Variants in ERLIN1 observed in about 807,000 individuals in gnomAD.
ERLIN1 encodes erlin-1.
A neutral mutation model predicts 46.9 loss-of-function variants in ERLIN1; 24 were observed. The observed-to-expected ratio is 0.51, with a 90% CI of 0.37 to 0.72. The LOEUF is 0.72. Ranked by LOEUF, ERLIN1 falls within the 30% of genes least tolerant of loss-of-function variation. The pLI is 0.00. For missense variants in ERLIN1, 293 were observed against 417.9 expected (o/e 0.70, Z 2.61); for synonymous variants, 158 against 143.2 (o/e 1.10, Z -0.74).
chr10:100,154,495 G>C (rs1444831922), intron 10 of ERLIN1, among the ~76,000 whole-genome samples: 1 of 152,170 alleles, frequency 6.6e-6, no homozygotes, highest in East Asian at 1.9e-4. Context: ...CCAAATGCCA[G>C]GAATGCCTTT....
At chr10:100,162,848 T>C (rs1212104436) in intron 8 of ERLIN1, among the ~76,000 whole-genome samples, 1 of 152,216 alleles carries the variant, frequency 6.6e-6, no homozygotes, top group Non-Finnish European at 1.5e-5. Flanking sequence ...AAGCTGGTGA[T>C]AGGGCACTGG....
At chr10:100,154,776 C>A in intron 10 of ERLIN1, 84 bp downstream of exon 10, 5 of 1,042,144 alleles carry the variant, frequency 4.8e-6, no homozygotes, top group South Asian at 2.8e-5. Context: ...TGGATAAAAT[C>A]ACTTCTATCA....
chr10:100,174,409 A>C (rs1589545224), intron 5 of ERLIN1, 128 bp from the exon 6 acceptor site: 1 of 650,386 alleles, frequency 1.5e-6, no homozygotes, highest in South Asian at 2.0e-5. Context: ...ACAGAGCTTA[A>C]ACTGCCTTTT....
chr10:100,170,924 T>A (rs1383579263), intron 6 of ERLIN1, among the ~76,000 whole-genome samples: 3 of 152,118 alleles, frequency 2.0e-5, no homozygotes, highest in Non-Finnish European at 2.9e-5. Flanking sequence ...GTATGTAACA[T>A]AAAAACTATT....
chr10:100,158,534 GAA>G (rs145102308), intron 8 of ERLIN1, among the ~76,000 whole-genome samples: 5 of 148,174 alleles, frequency 3.4e-5, no homozygotes, highest in African/African-American at 1.2e-4. Context: ...AGTCTTCACT[GAA>G]AAAAAAATTA....
chr10:100,164,459 C>T (rs888329027), intron 7 of ERLIN1, among the ~76,000 whole-genome samples: 1 of 152,210 alleles, frequency 6.6e-6, no homozygotes, highest in African/African-American at 2.4e-5. Flanking sequence ...AATTAGAAAA[C>T]GGCACCAGCC....
intron 4 of ERLIN1, 42 bp from the exon 5 acceptor site, chr10:100,176,112 G>T: frequency 1.3e-6 from 2 of 1,580,506 alleles, no homozygotes; most frequent in South Asian, 2.3e-5. Flanking sequence ...ACCCAACAAT[G>T]ACACAGGTAC....
chr10:100,153,811 T>A (rs2134097337), intron 10 of ERLIN1, among the ~76,000 whole-genome samples: 1 of 152,360 alleles, frequency 6.6e-6, no homozygotes, highest in South Asian at 2.1e-4. Context: ...AGATTTGGAC[T>A]CCTAGTTTCC....
At chr10:100,160,429 T>A (rs1223332920) in intron 8 of ERLIN1, among the ~76,000 whole-genome samples, 1 of 151,972 alleles carries the variant, frequency 6.6e-6, no homozygotes, top group Non-Finnish European at 1.5e-5. Flanking sequence ...AGTATAACCA[T>A]GATACAAAAA....
intron 7 of ERLIN1, among the ~76,000 whole-genome samples, chr10:100,165,448 A>G (rs530505209): frequency 1.2e-3 from 165 of 142,902 alleles, no homozygotes; most frequent in African/African-American, 4.1e-3. Context: ...GTGCAGTGGC[A>G]CTATCTCGAC....
chr10:100,173,803 T>C (rs989578452), intron 6 of ERLIN1, among the ~76,000 whole-genome samples: 7 of 152,242 alleles, frequency 4.6e-5, no homozygotes, highest in East Asian at 3.8e-4. Flanking sequence ...AATCATTCAA[T>C]AGATTCATCT....
chr10:100,167,619 C>T (rs1843718443), intron 6 of ERLIN1, among the ~76,000 whole-genome samples: 1 of 152,180 alleles, frequency 6.6e-6, no homozygotes, highest in Non-Finnish European at 1.5e-5. Context: ...TTTCCTTACA[C>T]AATGCCAGAT....
intron 6 of ERLIN1, among the ~76,000 whole-genome samples, chr10:100,172,473 C>A (rs1390117349): frequency 6.6e-6 from 1 of 151,922 alleles, no homozygotes; most frequent in Non-Finnish European, 1.5e-5. Context: ...TTATACAGAA[C>A]AAATCAGTAA....
rs1844286522 is a variant in ERLIN1, at chr10:100,176,134, GC to G, written c.305-65del. 8.1e-6 allele frequency: 12 copies of G among 1,481,178 alleles called. No individual in the cohort carries two copies. In the South Asian group the frequency reaches 1.6e-4, roughly 20 times the overall value. 91.8% of individuals were successfully genotyped at this position (1,481,178 alleles called of 1,614,324 possible). On this transcript the variant is annotated intron_variant, in intron 4 of 10. Transcript: ENST00000421367. The stretch of plus-strand genomic sequence containing the variant: ...AATGACACAGGTACCTTCAAATTCA[GC>G]CAGGGTAAAAGTCAGGGTGATATAT...
intron 2 of ERLIN1, among the ~76,000 whole-genome samples, chr10:100,180,624 T>C (rs1267072012): frequency 3.3e-5 from 5 of 152,180 alleles, no homozygotes; most frequent in East Asian, 1.9e-4. Context: ...CGAAAGTAGA[T>C]AGGCTTGCCT....
chr10:100,160,045 G>A (rs948297792), intron 8 of ERLIN1, among the ~76,000 whole-genome samples: 2 of 152,034 alleles, frequency 1.3e-5, no homozygotes, highest in Non-Finnish European at 2.9e-5. Flanking sequence ...AACAGTATTA[G>A]CAATGAAAAG....
chr10:100,153,345 C>T (rs2134096038), intron 10 of ERLIN1, among the ~76,000 whole-genome samples: 1 of 152,268 alleles, frequency 6.6e-6, no homozygotes, highest in African/African-American at 2.4e-5. Flanking sequence ...CCCTCTGTCA[C>T]ACTGTTTTGT....
At chr10:100,156,046 C>A in intron 9 of ERLIN1, 99 bp downstream of exon 9, 2 of 746,888 alleles carry the variant, frequency 2.7e-6, no homozygotes, top group South Asian at 1.5e-5. Context: ...ATTATTCTGT[C>A]TATGGCCTTC....
At chr10:100,175,746 GAGT>G (rs1844256879) in intron 5 of ERLIN1, among the ~76,000 whole-genome samples, 196 bp downstream of exon 5, 1 of 152,124 alleles carries the variant, frequency 6.6e-6, no homozygotes, top group Admixed American at 6.5e-5. Flanking sequence ...AATACAGTCT[GAGT>G]AGTTTTTCCA....
Sources: gnomAD v4.1 joint callset for allele counts (sites outside exome capture counted in the v4.1 genomes callset) on GRCh38, gnomAD v4.1.1 for gene constraint, MANE v1.5 for transcripts, NCBI Gene and HGNC (gene_info 2026-07-23, HGNC 2026-07-21) for gene names.